STK32B: variants seen among roughly 807,000 people sequenced by gnomAD.
STK32B encodes serine/threonine kinase 32B, also known as serine/threonine-protein kinase 32B.
A neutral mutation model predicts 52.6 loss-of-function variants in STK32B; 43 were observed. The ratio of observed to expected loss-of-function variants is 0.82; its 90% CI spans 0.64 to 1.05. The LOEUF (loss-of-function observed/expected upper bound fraction) is 1.05, where lower values mean the gene tolerates loss of function less well. STK32B is among the 50% of genes least tolerant of loss of function. The pLI, the probability that STK32B is intolerant of heterozygous loss-of-function variation, is 0.00. For missense variants in STK32B, 621 were observed against 534.6 expected (o/e 1.16, Z -1.59); for synonymous variants, 238 against 204.3 (o/e 1.17, Z -1.41).
chr4:5,075,763 C>T (rs1030481438), intron 1 of STK32B, among the ~76,000 whole-genome samples: 1 of 151,752 alleles, frequency 6.6e-6, no homozygotes, highest in African/African-American at 2.4e-5. Flanking sequence ...TTTCTTTATT[C>T]TGCAAATTCA....
intron 1 of STK32B, among the ~76,000 whole-genome samples, chr4:5,094,459 C>A (rs1713268341): frequency 6.6e-6 from 1 of 152,054 alleles, no homozygotes; most frequent in Non-Finnish European, 1.5e-5. Context: ...TCAAGTTCAG[C>A]TTGAGCAATA....
At chr4:5,279,784 G>A (rs764206048) in intron 3 of STK32B, among the ~76,000 whole-genome samples, 3 of 152,214 alleles carry the variant, frequency 2.0e-5, no homozygotes, top group Non-Finnish European at 2.9e-5. Context: ...TCAACACCAC[G>A]TGGAAGCCAC....
rs1253495661 is a variant in STK32B, at chr4:5,154,439, T to C, written c.109-13860T>C. Among the ~76,000 whole-genome samples, 3 of 152,288 alleles carry C rather than the reference T, an allele frequency of 2.0e-5. No individual in the cohort carries two copies. The South Asian group carries it at 6.2e-4, about 32-fold the overall frequency. ...CATGTTGGTCAGGCTGGTCTTGAACTCCTGACCTCAGGTGATCCACCAGCC... is the reference window on the plus strand; with the variant it reads ...CATGTTGGTCAGGCTGGTCTTGAACCCCTGACCTCAGGTGATCCACCAGCC... On this transcript the variant is annotated intron_variant, in intron 2 of 11. Coordinates refer to ENST00000282908, the MANE Select transcript of STK32B (RefSeq NM_018401.3).
chr4:5,275,520 G>A (rs1284127537), intron 3 of STK32B, among the ~76,000 whole-genome samples: 3 of 152,056 alleles, frequency 2.0e-5, no homozygotes, highest in Non-Finnish European at 4.4e-5. Flanking sequence ...TTTCGGGATC[G>A]TTTCCCGTCT....
chr4:5,411,475 A>C (rs1560390275), intron 5 of STK32B, among the ~76,000 whole-genome samples: 1 of 152,244 alleles, frequency 6.6e-6, no homozygotes, highest in Non-Finnish European at 1.5e-5. Flanking sequence ...AAATACAAAC[A>C]ATATATACAA....
chr4:5,426,187 C>T lies in STK32B; in HGVS notation c.562+9253C>T, dbSNP rs578063579. The stretch of plus-strand genomic sequence containing the variant: ...GTTTCTAGAATGGCTGGACCTCTTT[C>T]CATTCCCACAAGCAGCGAATGAGAG... On this transcript the variant is annotated intron_variant, in intron 6 of 11. Transcript: ENST00000282908. Among the ~76,000 whole-genome samples the T allele has an allele frequency of 3.9e-5, 6 of 152,242 alleles. No individual in the cohort carries two copies. In the South Asian group the frequency reaches 6.2e-4, roughly 16 times the overall value.
At chr4:5,127,687 G>C (rs1466432890) in intron 1 of STK32B, among the ~76,000 whole-genome samples, 1 of 152,196 alleles carries the variant, frequency 6.6e-6, no homozygotes, top group East Asian at 1.9e-4. Context: ...TGAGGACAGA[G>C]GCAGAGGTTG....
At chr4:5,293,763 C>T (rs576043142) in intron 3 of STK32B, among the ~76,000 whole-genome samples, 2 of 152,074 alleles carry the variant, frequency 1.3e-5, no homozygotes, top group African/African-American at 4.8e-5. Context: ...ATGATAGTTT[C>T]TTTTGCTGTA....
At chr4:5,170,094 C>A (rs1472356146) in intron 3 of STK32B, among the ~76,000 whole-genome samples, 1 of 152,106 alleles carries the variant, frequency 6.6e-6, no homozygotes, top group Admixed American at 6.5e-5. Context: ...CTAATCGAAC[C>A]TTCATTCTGT....
At chr4:5,146,758 C>T (rs1024576948) in intron 2 of STK32B, among the ~76,000 whole-genome samples, 11 of 152,268 alleles carry the variant, frequency 7.2e-5, no homozygotes, top group Admixed American at 1.3e-4. Flanking sequence ...TCTGTACTCT[C>T]GGTTTTGTAC....
At chr4:5,181,917 A>G (rs142200427) in intron 3 of STK32B, among the ~76,000 whole-genome samples, 1 of 152,370 alleles carries the variant, frequency 6.6e-6, no homozygotes, top group East Asian at 1.9e-4. Context: ...TCTTTGTAGC[A>G]TGAGATGCTG....
chr4:5,286,289 G>A (rs1437781508), intron 3 of STK32B, among the ~76,000 whole-genome samples: 1 of 152,152 alleles, frequency 6.6e-6, no homozygotes, highest in Non-Finnish European at 1.5e-5. Context: ...TAACTAACAA[G>A]TCATCTATAA....
chr4:5,042,108 G>A, the STK32B span, among the ~76,000 whole-genome samples: 4 of 152,158 alleles, frequency 2.6e-5, no homozygotes, highest in Non-Finnish European at 4.4e-5. Flanking sequence ...TTCTCAGCAA[G>A]AGGAATAGCA....
chr4:5,104,825 C>G (rs1714010253), intron 1 of STK32B, among the ~76,000 whole-genome samples: 1 of 152,160 alleles, frequency 6.6e-6, no homozygotes, highest in Non-Finnish European at 1.5e-5. Flanking sequence ...TTGTAATGTT[C>G]ATGCATGTTG....
At chr4:5,473,093 TG>T (rs1397657729) in intron 11 of STK32B, among the ~76,000 whole-genome samples, 4 of 152,290 alleles carry the variant, frequency 2.6e-5, no homozygotes, top group African/African-American at 7.2e-5. Context: ...GAAATATCAT[TG>T]GTATTCTCAA....
At chr4:5,083,482 C>T (rs1377038114) in intron 1 of STK32B, among the ~76,000 whole-genome samples, 4 of 152,170 alleles carry the variant, frequency 2.6e-5, no homozygotes, top group Admixed American at 6.5e-5. Flanking sequence ...TTTATAATTA[C>T]GTCTGCTTTG....
In STK32B at chr4:5,193,969, G is replaced by A. The variant is rs565095321; in HGVS notation, c.260+25519G>A. 1.8e-3 allele frequency among the ~76,000 whole-genome samples: 272 copies of A among 152,148 alleles called. 1 individual carries two copies. The highest frequency in any genetic ancestry group is 2.0e-3 in the Non-Finnish European group (137 of 68,040). On this transcript the variant is annotated intron_variant, in intron 3 of 11. Transcript: ENST00000282908. Reference sequence around the variant, plus strand: ...GCAGGGCGTGCGTTCTCATGCTCCTGCACCTCTCAGGCTTGGCTTTGCACA... The same window carrying A: ...GCAGGGCGTGCGTTCTCATGCTCCTACACCTCTCAGGCTTGGCTTTGCACA...
chr4:5,403,315 T>C (rs1346407681), intron 5 of STK32B, among the ~76,000 whole-genome samples: 2 of 152,144 alleles, frequency 1.3e-5, no homozygotes, highest in Non-Finnish European at 2.9e-5. Context: ...AGACAGCCCC[T>C]AAAACCCAGA....
intron 4 of STK32B, among the ~76,000 whole-genome samples, chr4:5,379,243 G>A (rs75233419): frequency 0.011 from 1,639 of 152,180 alleles, 31 homozygotes; most frequent in East Asian, 0.082. Flanking sequence ...GCTACCCCTG[G>A]CTGCCCTTCC....
Sources: gnomAD v4.1 joint callset for allele counts (sites outside exome capture counted in the v4.1 genomes callset) on GRCh38, gnomAD v4.1.1 for gene constraint, MANE v1.5 for transcripts, NCBI Gene and HGNC (gene_info 2026-07-23, HGNC 2026-07-21) for gene names.